Variants in KIAA0319 observed in about 807,000 individuals in gnomAD.
The protein encoded by KIAA0319 is dyslexia-associated protein KIAA0319.
Under a neutral mutation model 108.4 loss-of-function variants are expected in KIAA0319, and 83 were observed. The ratio of observed to expected loss-of-function variants is 0.77; its 90% CI spans 0.64 to 0.92. The LOEUF (loss-of-function observed/expected upper bound fraction) is 0.92. KIAA0319 is among the 40% of genes least tolerant of loss of function. The probability of loss-of-function intolerance (pLI) is 0.00; values close to 1 mark genes in which losing one functional copy is unlikely to be tolerated. For missense variants in KIAA0319, 1,195 were observed against 1,322.4 expected, an observed-to-expected ratio of 0.90 and a Z score of 1.49; for synonymous variants, 484 against 510.4, an observed-to-expected ratio of 0.95 and a Z score of 0.70.
rs1395071005 is a variant in KIAA0319 at position 24,588,717 on chromosome 6, G to T, written c.870C>A (p.Ser290Arg). 1 of 1,613,974 alleles carries T rather than the reference G, an allele frequency of 6.2e-7. No individual in the cohort carries two copies. The highest frequency in any genetic ancestry group is 1.7e-5 in the Admixed American group (1 of 59,994). The change falls in exon 4 of 21, where the codon AGC (serine) becomes AGA (arginine). Residue 290 changes from serine (S) to arginine (R), a missense_variant. Coordinates refer to ENST00000378214, the MANE Select transcript of KIAA0319 (RefSeq NM_014809.4). ...TCCCCGGGGTGACTGTGAGCACTGGGCTTTTCTCCACGGTGACTGAGCTGA... is the reference window on the plus strand; with the variant it reads ...TCCCCGGGGTGACTGTGAGCACTGGTCTTTTCTCCACGGTGACTGAGCTGA... Reference protein sequence around the residue: ...LELSSVTVEKSPVLTVTPGST... With the variant: ...LELSSVTVEKRPVLTVTPGST...
rs200236507 is a variant in KIAA0319 at position 24,594,635 on chromosome 6, A to AC, written c.801+1237_801+1238insG. Among the ~76,000 whole-genome samples, 89 of 47,042 alleles carry AC rather than the reference A, an allele frequency of 1.9e-3. 1 individual carries two copies. Among genetic ancestry groups the AC allele is most frequent in the Admixed American group, 5.5e-3 (20 of 3,612 alleles). 30.9% of individuals were successfully genotyped at this position (47,042 alleles called of 152,430 possible). A position where few individuals can be genotyped will look rare whatever the true frequency, so the allele number is the denominator to read the frequency against. On this transcript the variant is annotated intron_variant, in intron 3 of 20. Coordinates refer to ENST00000378214, the MANE Select transcript of KIAA0319 (RefSeq NM_014809.4). ...GAGCAAGACTCTGTCTCACAAAAAA[A>AC]AAACAACAAAAAAAAAAAACACTTA... is the stretch of plus-strand genomic sequence containing the variant.
chr6:24,566,240 G>A (rs1763886381), intron 14 of KIAA0319, among the ~76,000 whole-genome samples: 1 of 152,166 alleles, frequency 6.6e-6, no homozygotes, highest in African/African-American at 2.4e-5. Flanking sequence ...GGACCTATAA[G>A]GAAGTAGTTA....
intron 11 of KIAA0319, among the ~76,000 whole-genome samples, chr6:24,570,675 A>G (rs1173505969): frequency 1.4e-5 from 2 of 138,590 alleles, no homozygotes; most frequent in Non-Finnish European, 3.1e-5. Context: ...GGAAGGAAAG[A>G]GAGAGGAAGG....
chr6:24,559,161 G>A lies in KIAA0319; in HGVS notation c.2592-6C>T, dbSNP rs1032222207. 1.9e-6 allele frequency: 3 copies of A among 1,612,154 alleles called. No homozygotes were observed. Among genetic ancestry groups the A allele is most frequent in the Middle Eastern group, 2.0e-4 (1 of 4,946 alleles). ...CATAAAACACAATCACGGTGCTGTG[G>A]AGGAGACAATGAGAGAGGACAGCCA... On this transcript the variant is annotated splice_region_variant and splice_polypyrimidine_tract_variant and intron_variant, in intron 16 of 20. Transcript: ENST00000378214.
At chr6:24,644,610 G>GA (rs35123690) in intron 1 of KIAA0319, among the ~76,000 whole-genome samples, 104,213 of 148,104 alleles carry the variant, frequency 0.7, 36,900 homozygotes, top group East Asian at 0.87. Flanking sequence ...ATTGGCTAGG[G>GA]AAAAAAAAAA....
rs573745958 is a variant in KIAA0319 at position 24,548,603 on chromosome 6, A to G, written c.3041-1260T>C. Among the ~76,000 whole-genome samples, 5 of 152,298 alleles carry G rather than the reference A, an allele frequency of 3.3e-5. No individual in the cohort carries two copies. In the East Asian group the frequency reaches 5.8e-4, roughly 18 times the overall value. ...GGACTCTTGGCTGTCTCCTGTCTCT[A>G]TCAGTGAGATTTGAAGAAGAGATTT... is the stretch of plus-strand genomic sequence containing the variant. On this transcript the variant is annotated intron_variant, in intron 20 of 20. Coordinates refer to ENST00000378214, the MANE Select transcript of KIAA0319 (RefSeq NM_014809.4).
chr6:24,597,400 G>A (rs1769822311), intron 2 of KIAA0319, among the ~76,000 whole-genome samples: 1 of 152,168 alleles, frequency 6.6e-6, no homozygotes. Flanking sequence ...GGCTGGAGGT[G>A]GTGGATTCCT....
intron 20 of KIAA0319, among the ~76,000 whole-genome samples, chr6:24,549,441 G>A (rs950257241): frequency 4.0e-5 from 6 of 151,796 alleles, no homozygotes; most frequent in Non-Finnish European, 7.4e-5. Context: ...TGTTGAATTT[G>A]CCTTCCCAGC....
chr6:24,541,072 T>C (rs1465208781), downstream of KIAA0319, among the ~76,000 whole-genome samples: 1 of 152,204 alleles, frequency 6.6e-6, no homozygotes, highest in Non-Finnish European at 1.5e-5. Flanking sequence ...TACCTCTTCA[T>C]AAATGACTTT....
Position 24,596,514 on chromosome 6 carries a change from C to G in KIAA0319, c.160G>C (p.Val54Leu), listed in dbSNP as rs74383346. ...CAGCAAGCGGCCGTGCAGTCTACGA[C>G]AGGGAAGGTGTGAGACACCCGCATG... ...RIMRVSHTFP[V>L]VDCTAACCDL... Residue 54 changes from valine (V) to leucine (L), a missense_variant, in exon 3 of 21, where the codon GTC (valine) becomes CTC (leucine). Val to Leu is a conservative substitution (Grantham distance 32). Coordinates refer to ENST00000378214, the MANE Select transcript of KIAA0319 (RefSeq NM_014809.4). 1,345 of 1,614,082 alleles carry G rather than the reference C, an allele frequency of 8.3e-4. 11 individuals are homozygous for G. The African/African-American group carries it at 0.016, about 19-fold the overall frequency.
At chr6:24,569,162 ATTTTT>A (rs578052918) in intron 12 of KIAA0319, among the ~76,000 whole-genome samples, 3 of 152,174 alleles carry the variant, frequency 2.0e-5, no homozygotes, top group Non-Finnish European at 4.4e-5. Flanking sequence ...TTTGTTCTCG[ATTTTT>A]TTAAGTCAAG....
At chr6:24,600,695 TC>T in intron 2 of KIAA0319, 1 of 1,528,090 alleles carries the variant, frequency 6.5e-7, no homozygotes, top group Non-Finnish European at 8.8e-7. Context: ...CATGAGTGCA[TC>T]CACCATAAGC....
Position 24,598,955 on chromosome 6 carries a change from A to C in KIAA0319, c.55+2094T>G. 3 of 615,524 alleles carry C rather than the reference A, an allele frequency of 4.9e-6. No individual in the cohort carries two copies. In the Admixed American group the frequency reaches 6.3e-5, roughly 13 times the overall value. 38.1% of individuals were successfully genotyped at this position (615,524 alleles called of 1,614,324 possible). A position where few individuals can be genotyped will look rare whatever the true frequency, so the allele number is the denominator to read the frequency against. On this transcript the variant is annotated intron_variant, in intron 2 of 20. Coordinates refer to ENST00000378214, the MANE Select transcript of KIAA0319 (RefSeq NM_014809.4). ...TCCTCATCAAGAGGGATGTGGATGA[A>C]GCTTACATGAACAAGGTAAAGCTGG...
At chr6:24,567,265 G>A (rs1764033171) in intron 13 of KIAA0319, among the ~76,000 whole-genome samples, 1 of 152,130 alleles carries the variant, frequency 6.6e-6, no homozygotes, top group Non-Finnish European at 1.5e-5. Flanking sequence ...ACTTTAGGAG[G>A]CCAAAGCAGG....
At chr6:24,631,535 C>T (rs1477653338) in intron 1 of KIAA0319, among the ~76,000 whole-genome samples, 1 of 152,232 alleles carries the variant, frequency 6.6e-6, no homozygotes, top group African/African-American at 2.4e-5. Flanking sequence ...CACTGTCTTA[C>T]AGCCCTTGTA....
rs374075658 is a variant in KIAA0319, at chr6:24,549,108, C to T, written c.3041-1765G>A. ...AGGCCGAGGCGGGTGGATCACTTGACGTCAGGAGTTCGAGACCAGCCTGGC... is the reference window on the plus strand; with the variant it reads ...AGGCCGAGGCGGGTGGATCACTTGATGTCAGGAGTTCGAGACCAGCCTGGC... On this transcript the variant is annotated intron_variant, in intron 20 of 20. Transcript: ENST00000378214. Among the ~76,000 whole-genome samples the T allele has an allele frequency of 8.6e-5, 13 of 151,798 alleles. No homozygotes were observed. The South Asian group carries it at 1.5e-3, about 17-fold the overall frequency.
chr6:24,597,117 T>C (rs1053937091), intron 2 of KIAA0319, among the ~76,000 whole-genome samples: 2 of 152,228 alleles, frequency 1.3e-5, no homozygotes, highest in Non-Finnish European at 2.9e-5. Flanking sequence ...TTGTTATTTT[T>C]TCATATAGTT....
At chr6:24,566,915 C>A (rs1057223911) in intron 13 of KIAA0319, among the ~76,000 whole-genome samples, 167 bp from the exon 14 acceptor site, 1 of 152,176 alleles carries the variant, frequency 6.6e-6, no homozygotes, top group Non-Finnish European at 1.5e-5. Flanking sequence ...AAGATACAGA[C>A]TTCCTTAAAG....
rs560790048 is a variant in KIAA0319 at position 24,603,749 on chromosome 6, A to T, written c.-105-2541T>A. On this transcript the variant is annotated intron_variant, in intron 1 of 20. Transcript: ENST00000378214. ...TGGGGGCAGGAAATAACCAGAAAGG[A>T]CAAGGAGCCTGCAAACAAAATCAAA... Among the ~76,000 whole-genome samples, 3 of 152,298 alleles carry T rather than the reference A, an allele frequency of 2.0e-5. No homozygotes were observed. In the East Asian group the frequency reaches 5.8e-4, roughly 29 times the overall value.
Sources: gnomAD v4.1 joint callset for allele counts (sites outside exome capture counted in the v4.1 genomes callset) on GRCh38, gnomAD v4.1.1 for gene constraint, MANE v1.5 for transcripts, NCBI Gene and HGNC (gene_info 2026-07-23, HGNC 2026-07-21) for gene names.